ABCC4: variants seen among roughly 807,000 people sequenced by gnomAD.
ABCC4 encodes the protein ATP-binding cassette sub-family C member 4.
ABCC4 carries 102 observed loss-of-function variants against 168.5 expected under a neutral mutation model. That is an observed-to-expected ratio of 0.61 (90% CI 0.52 to 0.71). The LOEUF (loss-of-function observed/expected upper bound fraction) is 0.71, where lower values mean the gene tolerates loss of function less well. Among genes scored for constraint, ABCC4 ranks in the 30% least tolerant of loss-of-function variants. The pLI, the probability that ABCC4 is intolerant of heterozygous loss-of-function variation, is 0.00. For missense variants in ABCC4, 1,402 were observed against 1,605.8 expected, an observed-to-expected ratio of 0.87 and a Z score of 2.17; for synonymous variants, 617 against 590.7, an observed-to-expected ratio of 1.04 and a Z score of -0.65.
At chr13:95,196,861 C>A (rs1751020) in intron 8 of ABCC4, among the ~76,000 whole-genome samples, 33,386 of 151,382 alleles carry the variant, frequency 0.22, 3,739 homozygotes, top group Admixed American at 0.28. Flanking sequence ...TCCCCCATCA[C>A]AACCAAACCG....
In ABCC4 at chr13:95,112,457, CTT is replaced by C. The variant is rs535380991; in HGVS notation, c.2535+3463_2535+3464del. On this transcript the variant is annotated intron_variant, in intron 20 of 30. Coordinates refer to ENST00000645237, the MANE Select transcript of ABCC4 (RefSeq NM_005845.5). Reference sequence around the variant, plus strand: ...TTAGTAAGAATAACAACTCGACAGTCTTAGTCTGAATGTTCTGGTAAGTGTAG... The same window carrying C: ...TTAGTAAGAATAACAACTCGACAGTCAGTCTGAATGTTCTGGTAAGTGTAG... Among the ~76,000 whole-genome samples, 22 of 152,214 alleles carry C rather than the reference CTT, an allele frequency of 1.4e-4. 1 individual carries two copies. In the South Asian group the frequency reaches 2.5e-3, roughly 17 times the overall value.
At chr13:95,033,252 A>G (rs1166620684) in intron 30 of ABCC4, among the ~76,000 whole-genome samples, 1 of 152,166 alleles carries the variant, frequency 6.6e-6, no homozygotes, top group Non-Finnish European at 1.5e-5. Flanking sequence ...TATTCTACCT[A>G]CAGTGATGAA....
intron 1 of ABCC4, among the ~76,000 whole-genome samples, chr13:95,278,303 C>T (rs562968184): frequency 6.6e-6 from 1 of 152,160 alleles, no homozygotes; most frequent in Non-Finnish European, 1.5e-5. Context: ...TGAACTTCAG[C>T]TCCATTCATG....
At chr13:95,086,087 T>TTGTGTGTGTGTGTGTG (rs55973195) in intron 20 of ABCC4, among the ~76,000 whole-genome samples, 4,122 of 141,964 alleles carry the variant, frequency 0.029, 97 homozygotes, top group East Asian at 0.061. Context: ...TTTAAGGTTA[T>TTGTGTGTGTGTGTGTG]TGTGTGTGTG....
At position 95,280,434 on chromosome 13, in the gene ABCC4, A is replaced by AAAAG. The variant is rs1223554983; in HGVS notation, c.74+20806_74+20807insCTTT. On this transcript the variant is annotated intron_variant, in intron 1 of 30. Transcript: ENST00000645237. The stretch of plus-strand genomic sequence containing the variant: ...TCCATCTCAAAAAAAAAAAAAAAAA[A>AAAAG]GGCCTAAGGCTTACTCAGGGTCATC... 7.5e-3 allele frequency among the ~76,000 whole-genome samples: 1,049 copies of AAAAG among 140,362 alleles called. 14 individuals are homozygous for AAAAG. The highest frequency in any genetic ancestry group is 0.025 in the African/African-American group (979 of 38,568). The allele number at this position is 140,362 out of a possible 152,430, so 92.1% of individuals were successfully genotyped here.
chr13:95,210,515 G>A (rs542657417), intron 5 of ABCC4, among the ~76,000 whole-genome samples, 177 bp downstream of exon 5: 1 of 152,278 alleles, frequency 6.6e-6, no homozygotes, highest in South Asian at 2.1e-4. Flanking sequence ...AGCTAATCAG[G>A]AGGCTGAGAC....
Position 95,164,505 on chromosome 13 carries a change from G to T in ABCC4, c.2048C>A (p.Pro683Gln). Reference protein sequence around the residue: ...ALESQDTENVPVTLSEENRSE... With the variant: ...ALESQDTENVQVTLSEENRSE... ...ACGGTTCTCCTCTGATAGTGTAACT[G>T]GGACATTCTCTGTCTGCAGAGGAAA... Residue 683 changes from proline (P) to glutamine (Q), a missense_variant, in exon 16 of 31, where the codon CCA (proline) becomes CAA (glutamine). Coordinates refer to ENST00000645237, the MANE Select transcript of ABCC4 (RefSeq NM_005845.5). The T allele has an allele frequency of 6.2e-7, 1 of 1,614,086 alleles. No individual in the cohort carries two copies. The highest frequency in any genetic ancestry group is 8.5e-7 in the Non-Finnish European group (1 of 1,179,996).
intron 1 of ABCC4, among the ~76,000 whole-genome samples, chr13:95,299,392 A>G (rs2041616883): frequency 1.3e-5 from 2 of 152,098 alleles, no homozygotes; most frequent in Admixed American, 1.3e-4. Flanking sequence ...TCTCCTTAAG[A>G]GAAAGGCCGC....
chr13:95,265,236 C>G (rs1040937988), intron 1 of ABCC4, among the ~76,000 whole-genome samples: 1 of 152,052 alleles, frequency 6.6e-6, no homozygotes, highest in Non-Finnish European at 1.5e-5. Context: ...ACATTGACAA[C>G]TATGGTAGAA....
chr13:95,063,122 T>C (rs2033366448), intron 25 of ABCC4, among the ~76,000 whole-genome samples: 1 of 152,110 alleles, frequency 6.6e-6, no homozygotes, highest in Admixed American at 6.5e-5. Flanking sequence ...ACTCCCAAAA[T>C]GATACCACCA....
At chr13:95,199,885 C>T in intron 8 of ABCC4, among the ~76,000 whole-genome samples, 1 of 152,208 alleles carries the variant, frequency 6.6e-6, no homozygotes, top group East Asian at 1.9e-4. Flanking sequence ...CACCTCCCTT[C>T]CCAAACCCTT....
At chr13:95,196,577 G>A (rs1296286981) in intron 8 of ABCC4, among the ~76,000 whole-genome samples, 1 of 109,044 alleles carries the variant, frequency 9.2e-6, no homozygotes, top group African/African-American at 3.0e-5. Context: ...AGGAAAGGAG[G>A]AAAGGAGGAA....
intron 1 of ABCC4, among the ~76,000 whole-genome samples, chr13:95,258,150 G>C (rs1395870528): frequency 1.3e-5 from 2 of 152,192 alleles, no homozygotes; most frequent in African/African-American, 4.8e-5. Context: ...CCAACAGCCT[G>C]CTAGCTGGCC....
At chr13:95,253,268 C>G (rs1419458156) in intron 1 of ABCC4, among the ~76,000 whole-genome samples, 1 of 152,220 alleles carries the variant, frequency 6.6e-6, no homozygotes, top group East Asian at 1.9e-4. Context: ...TTTACCTACG[C>G]TTAAATTTTC....
chr13:95,224,203 CAAA>C (rs1265372003), intron 4 of ABCC4, among the ~76,000 whole-genome samples: 1 of 119,312 alleles, frequency 8.4e-6, no homozygotes. Flanking sequence ...AAAATCAACC[CAAA>C]AAAAAAAAAA....
chr13:95,191,972 T>A (rs2038266875), intron 9 of ABCC4, among the ~76,000 whole-genome samples: 1 of 151,568 alleles, frequency 6.6e-6, no homozygotes, highest in Admixed American at 6.5e-5. Flanking sequence ...GCTAGGCCCA[T>A]TCCCTCTGGG....
chr13:95,155,108 T>C (rs79341676), intron 19 of ABCC4, among the ~76,000 whole-genome samples: 2,492 of 152,296 alleles, frequency 0.016, 48 homozygotes, highest in East Asian at 0.087. Flanking sequence ...TTTCCAGGTT[T>C]CAGAAACAGA....
chr13:95,216,657 C>A, intron 4 of ABCC4, among the ~76,000 whole-genome samples: 1 of 141,390 alleles, frequency 7.1e-6, no homozygotes, highest in Non-Finnish European at 1.5e-5. Context: ...CAAGGAAATG[C>A]AAATGCTGAA....
chr13:95,228,927 G>A (rs187954023), intron 4 of ABCC4, among the ~76,000 whole-genome samples: 7 of 152,176 alleles, frequency 4.6e-5, no homozygotes, highest in Admixed American at 3.9e-4. Context: ...GTCAAGAGGA[G>A]AGGGTTCTCA....
Sources: gnomAD v4.1 joint callset for allele counts (sites outside exome capture counted in the v4.1 genomes callset) on GRCh38, gnomAD v4.1.1 for gene constraint, MANE v1.5 for transcripts, NCBI Gene and HGNC (gene_info 2026-07-23, HGNC 2026-07-21) for gene names.